ATP6V1H: variants seen among roughly 807,000 people sequenced by gnomAD.
ATP6V1H encodes V-type proton ATPase subunit H.
In ATP6V1H, 39 loss-of-function variants were observed where a neutral mutation model predicts 71.7. The observed-to-expected ratio is 0.54, with a 90% CI of 0.42 to 0.71. The LOEUF (loss-of-function observed/expected upper bound fraction) is 0.71. Ranked by LOEUF, ATP6V1H falls within the 30% of genes least tolerant of loss-of-function variation. ATP6V1H has a pLI of 0.00. For synonymous variants in ATP6V1H, 192 were observed against 199.3 expected, an observed-to-expected ratio of 0.96 and a Z score of 0.31; for missense variants, 509 against 594.9, an observed-to-expected ratio of 0.86 and a Z score of 1.50.
chr8:53,802,825 TAA>T (rs1809956569), intron 7 of ATP6V1H, among the ~76,000 whole-genome samples: 2 of 152,148 alleles, frequency 1.3e-5, no homozygotes, highest in Non-Finnish European at 1.5e-5. Context: ...ATATGGCATA[TAA>T]AAAGTCTGAT....
intron 13 of ATP6V1H, among the ~76,000 whole-genome samples, chr8:53,735,820 T>A (rs185002619): frequency 1.1e-4 from 17 of 152,354 alleles, no homozygotes; most frequent in Admixed American, 7.2e-4. Context: ...ATAGGCCCTA[T>A]ACTGTAATCT....
intron 4 of ATP6V1H, among the ~76,000 whole-genome samples, chr8:53,822,755 G>C (rs917627665): frequency 2.6e-5 from 4 of 151,910 alleles, no homozygotes; most frequent in African/African-American, 9.7e-5. Context: ...GTATACAAAA[G>C]ACTTACCTAA....
At position 53,715,773 on chromosome 8, in the gene ATP6V1H, A is replaced by C. The variant is rs537878385; in HGVS notation, c.*191T>G. The C allele has an allele frequency of 3.6e-4, 170 of 476,970 alleles. 5 individuals are homozygous for C. In the South Asian group the frequency reaches 8.1e-3, roughly 23 times the overall value. The allele number at this position is 476,970 out of a possible 1,614,324, so 29.5% of individuals were successfully genotyped here. On this transcript the variant is annotated 3_prime_UTR_variant, in exon 14 of 14. Coordinates refer to ENST00000359530, the MANE Select transcript of ATP6V1H (RefSeq NM_015941.4). ...CAGTAATATTTTCTTTAAATACAGAATCACCTACTTTTATACAACTTAACA... is the reference window on the plus strand; with the variant it reads ...CAGTAATATTTTCTTTAAATACAGACTCACCTACTTTTATACAACTTAACA...
At chr8:53,808,539 G>A (rs544607694) in intron 7 of ATP6V1H, among the ~76,000 whole-genome samples, 13 of 152,320 alleles carry the variant, frequency 8.5e-5, no homozygotes, top group South Asian at 4.1e-4. Context: ...AGGCCAAGGC[G>A]GGTAGATTGC....
intron 9 of ATP6V1H, among the ~76,000 whole-genome samples, chr8:53,773,436 A>G (rs1259688075): frequency 6.6e-6 from 1 of 152,254 alleles, no homozygotes; most frequent in East Asian, 1.9e-4. Flanking sequence ...ACTTAAAAAA[A>G]CAGTAAATAG....
intron 9 of ATP6V1H, among the ~76,000 whole-genome samples, chr8:53,775,157 G>C (rs893506493): frequency 4.6e-5 from 7 of 152,094 alleles, no homozygotes; most frequent in Non-Finnish European, 1.0e-4. Context: ...AGACCTTCGC[G>C]GTGAGTGTTA....
At chr8:53,800,062 C>G (rs1212012509) in intron 8 of ATP6V1H, among the ~76,000 whole-genome samples, 2 of 152,176 alleles carry the variant, frequency 1.3e-5, no homozygotes, top group Non-Finnish European at 2.9e-5. Context: ...TAACTAACTT[C>G]TAATAAAATC....
chr8:53,748,246 G>A lies in ATP6V1H; in HGVS notation c.1278-4556C>T, dbSNP rs186285416. On this transcript the variant is annotated intron_variant, in intron 12 of 13. Transcript: ENST00000359530. ...GGCAAGACTCAACAAATATTCCTAC[G>A]GATCATGTAAGTGATTAAAATATAA... Among the ~76,000 whole-genome samples, 25 of 152,132 alleles carry A rather than the reference G, an allele frequency of 1.6e-4. 1 individual carries two copies. The highest frequency in any genetic ancestry group is 1.5e-3 in the South Asian group (7 of 4,820).
chr8:53,746,435 T>C (rs547999702), intron 12 of ATP6V1H, among the ~76,000 whole-genome samples: 7 of 152,178 alleles, frequency 4.6e-5, no homozygotes, highest in Admixed American at 2.0e-4. Flanking sequence ...CAGCTCATTT[T>C]TGTATTTTTA....
intron 11 of ATP6V1H, among the ~76,000 whole-genome samples, chr8:53,762,710 GAAAT>G (rs943921227): frequency 1.3e-5 from 2 of 152,072 alleles, no homozygotes; most frequent in Non-Finnish European, 1.5e-5. Context: ...CAAAAAAAAA[GAAAT>G]AAAAGGCACT....
intron 11 of ATP6V1H, among the ~76,000 whole-genome samples, chr8:53,762,073 A>G (rs1808290480): frequency 6.6e-6 from 1 of 152,224 alleles, no homozygotes; most frequent in African/African-American, 2.4e-5. Context: ...CATTAGCCAC[A>G]TGTGGTTTGT....
chr8:53,815,882 G>A (rs567187035), intron 5 of ATP6V1H, among the ~76,000 whole-genome samples: 1 of 152,340 alleles, frequency 6.6e-6, no homozygotes, highest in Non-Finnish European at 1.5e-5. Context: ...CCCTCAGAAT[G>A]TGAAAGATTG....
In ATP6V1H at chr8:53,788,342, G is replaced by T. The variant is rs149254904; in HGVS notation, c.870+7305C>A. On this transcript the variant is annotated intron_variant, in intron 9 of 13. Transcript: ENST00000359530. ...AATTATTAAATTCTATGCATTATAA[G>T]TAAAAATTTGAAATTATAAATATAG... Among the ~76,000 whole-genome samples the T allele has an allele frequency of 9.4e-3, 1,433 of 152,160 alleles. 27 individuals carry two copies. The highest frequency in any genetic ancestry group is 0.033 in the African/African-American group (1,369 of 41,510).
intron 2 of ATP6V1H, among the ~76,000 whole-genome samples, chr8:53,835,437 A>G (rs1428948000): frequency 6.6e-6 from 1 of 152,202 alleles, no homozygotes; most frequent in Non-Finnish European, 1.5e-5. Flanking sequence ...CTGAACTTGC[A>G]TATGTCCTAC....
chr8:53,822,446 A>G (rs1055011013), intron 4 of ATP6V1H, among the ~76,000 whole-genome samples: 2 of 152,206 alleles, frequency 1.3e-5, no homozygotes, highest in Non-Finnish European at 2.9e-5. Context: ...ATAAAAAAAT[A>G]CTATTAAAAA....
At chr8:53,721,123 T>C (rs561657571) in intron 13 of ATP6V1H, among the ~76,000 whole-genome samples, 23 of 152,228 alleles carry the variant, frequency 1.5e-4, no homozygotes, top group Non-Finnish European at 3.2e-4. Context: ...TACAGATTTA[T>C]ATTTGGTAAA....
intron 4 of ATP6V1H, among the ~76,000 whole-genome samples, chr8:53,821,912 C>T (rs545419012): frequency 3.4e-4 from 52 of 152,162 alleles, no homozygotes; most frequent in Non-Finnish European, 2.1e-4. Flanking sequence ...ATTAAATATC[C>T]TCAAACATCT....
Position 53,795,635 on chromosome 8 carries a change from T to A in ATP6V1H, c.870+12A>T. The A allele has an allele frequency of 6.2e-7, 1 of 1,611,202 alleles. No homozygotes were observed. ...TGCCTCACATACACACAAACCAACA[T>A]AAAACACTTACACGAAATGCTGCAA... On this transcript the variant is annotated intron_variant, in intron 9 of 13. Coordinates refer to ENST00000359530, the MANE Select transcript of ATP6V1H (RefSeq NM_015941.4).
intron 11 of ATP6V1H, among the ~76,000 whole-genome samples, chr8:53,762,155 C>G (rs567145976): frequency 1.3e-5 from 2 of 151,906 alleles, no homozygotes; most frequent in African/African-American, 2.4e-5. Context: ...TAGTGACAAA[C>G]TATTGTATTG....
Sources: allele counts gnomAD v4.1 joint callset (sites outside exome capture counted in the v4.1 genomes callset), GRCh38; gene constraint gnomAD v4.1.1; transcripts MANE v1.5; gene names NCBI Gene and HGNC (gene_info 2026-07-23, HGNC 2026-07-21).